ZSWIM6: variants seen among roughly 807,000 people sequenced by gnomAD.
ZSWIM6 encodes zinc finger SWIM domain-containing protein 6.
ZSWIM6 carries 9 observed loss-of-function variants against 113.2 expected under a neutral mutation model. That is an observed-to-expected ratio of 0.08 (90% CI 0.05 to 0.14). The LOEUF (loss-of-function observed/expected upper bound fraction) is 0.14, where lower values mean the gene tolerates loss of function less well. Among genes scored for constraint, ZSWIM6 ranks in the 10% least tolerant of loss-of-function variants. ZSWIM6 has a pLI of 1.00. For missense variants in ZSWIM6, 1,162 were observed against 1,552.2 expected (o/e 0.75, Z 4.22); for synonymous variants, 611 against 606.5 (o/e 1.01, Z -0.11).
At chr5:61,437,754 G>A (rs908390920) in intron 1 of ZSWIM6, among the ~76,000 whole-genome samples, 1 of 147,154 alleles carries the variant, frequency 6.8e-6, no homozygotes, top group Non-Finnish European at 1.5e-5. Flanking sequence ...TCCACTAGTT[G>A]ACTCCTAGAA....
intron 1 of ZSWIM6, among the ~76,000 whole-genome samples, chr5:61,445,846 A>G (rs1746941520): frequency 6.6e-6 from 1 of 152,158 alleles, no homozygotes; most frequent in Non-Finnish European, 1.5e-5. Flanking sequence ...TGGGGGTGAC[A>G]GTGTTATCCA....
chr5:61,491,996 T>C (rs879804675), intron 3 of ZSWIM6, among the ~76,000 whole-genome samples: 3 of 152,084 alleles, frequency 2.0e-5, no homozygotes, highest in Non-Finnish European at 2.9e-5. Context: ...ACTTTACACA[T>C]GATTTAAGCA....
chr5:61,406,089 C>G (rs1282311010), intron 1 of ZSWIM6, among the ~76,000 whole-genome samples: 1 of 152,180 alleles, frequency 6.6e-6, no homozygotes, highest in African/African-American at 2.4e-5. Context: ...GGCAGAATTT[C>G]TCTTCCCTCC....
intron 4 of ZSWIM6, among the ~76,000 whole-genome samples, chr5:61,501,918 C>T (rs1033736185): frequency 6.6e-6 from 1 of 152,094 alleles, no homozygotes; most frequent in African/African-American, 2.4e-5. Context: ...CCTACTTTTC[C>T]TGTTTCCTAA....
intron 1 of ZSWIM6, among the ~76,000 whole-genome samples, chr5:61,436,628 AGTT>A (rs963876486): frequency 1.8e-4 from 27 of 152,342 alleles, no homozygotes; most frequent in Non-Finnish European, 3.4e-4. Context: ...ATACTTATTG[AGTT>A]GTTATTACTA....
At chr5:61,508,030 C>T (rs1748672418) in intron 4 of ZSWIM6, among the ~76,000 whole-genome samples, 1 of 152,106 alleles carries the variant, frequency 6.6e-6, no homozygotes, top group Non-Finnish European at 1.5e-5. Flanking sequence ...ATCCTGGCTC[C>T]CTTAATAGCA....
At chr5:61,433,855 T>C (rs183555293) in intron 1 of ZSWIM6, among the ~76,000 whole-genome samples, 1 of 151,792 alleles carries the variant, frequency 6.6e-6, no homozygotes, top group Admixed American at 6.6e-5. Context: ...GATAGAAATA[T>C]ATAGATCTTT....
At chr5:61,469,572 C>T (rs1747516710) in intron 1 of ZSWIM6, among the ~76,000 whole-genome samples, 1 of 152,198 alleles carries the variant, frequency 6.6e-6, no homozygotes, top group African/African-American at 2.4e-5. Context: ...GGGATCCCTT[C>T]TGCATAATTG....
intron 1 of ZSWIM6, among the ~76,000 whole-genome samples, chr5:61,380,119 A>T (rs1469050379): frequency 6.6e-6 from 1 of 151,786 alleles, no homozygotes; most frequent in Admixed American, 6.6e-5. Flanking sequence ...CCTGTCACCC[A>T]GGCTGGAGTG....
rs745838220 is a variant in ZSWIM6, at chr5:61,531,620, A to G, written c.2140A>G (p.Lys714Glu). Residue 714 changes from lysine (K) to glutamate (E), a missense_variant, in exon 9 of 14, where the codon AAA becomes GAA. Coordinates refer to ENST00000252744, the MANE Select transcript of ZSWIM6 (RefSeq NM_020928.2). The stretch of plus-strand genomic sequence containing the variant: ...GCCTGATGGGCTGTACACACAAGAG[A>G]AAGTTTGCCGGAATGAGGAGCAGCT... ...IMPDGLYTQE[K>E]VCRNEEQLIS... 1 of 1,551,526 alleles carries G rather than the reference A, an allele frequency of 6.4e-7. No individual in the cohort carries two copies.
chr5:61,342,792 C>T (rs1464035978), intron 1 of ZSWIM6, among the ~76,000 whole-genome samples: 2 of 152,028 alleles, frequency 1.3e-5, no homozygotes, highest in Non-Finnish European at 2.9e-5. Flanking sequence ...TAATATTGAT[C>T]ATCTTAACCA....
chr5:61,339,655 A>G (rs1744492347), intron 1 of ZSWIM6, among the ~76,000 whole-genome samples: 1 of 152,204 alleles, frequency 6.6e-6, no homozygotes, highest in Admixed American at 6.5e-5. Context: ...CCTAAAAATG[A>G]AAGATTATAG....
intron 1 of ZSWIM6, among the ~76,000 whole-genome samples, chr5:61,394,225 G>A (rs1745792067): frequency 6.6e-6 from 1 of 152,242 alleles, no homozygotes; most frequent in Admixed American, 6.5e-5. Flanking sequence ...CCCAGGAAGT[G>A]CTAGTGCAGT....
intron 1 of ZSWIM6, among the ~76,000 whole-genome samples, chr5:61,393,273 C>CCTGACCTCATGATCCACCCG (rs1745768373): frequency 6.6e-6 from 1 of 151,736 alleles, no homozygotes; most frequent in South Asian, 2.1e-4. Flanking sequence ...GTCTTGAACT[C>CCTGACCTCATGATCCACCCG]CTGACCTCAT....
intron 1 of ZSWIM6, among the ~76,000 whole-genome samples, chr5:61,359,280 A>G (rs1744982944): frequency 1.3e-5 from 2 of 152,126 alleles, no homozygotes; most frequent in Admixed American, 1.3e-4. Flanking sequence ...GGAGACAGGT[A>G]TAGTGAGAAC....
chr5:61,506,871 A>C (rs1378248058), intron 4 of ZSWIM6, among the ~76,000 whole-genome samples: 1 of 152,184 alleles, frequency 6.6e-6, no homozygotes, highest in Admixed American at 6.5e-5. Flanking sequence ...AAATATTATG[A>C]ATTGTTTAAT....
At chr5:61,432,975 T>G (rs1746618353) in intron 1 of ZSWIM6, among the ~76,000 whole-genome samples, 1 of 152,200 alleles carries the variant, frequency 6.6e-6, no homozygotes. Context: ...AACACATGCT[T>G]TGTTTTGGTG....
chr5:61,488,129 T>C (rs1748071471), intron 2 of ZSWIM6, among the ~76,000 whole-genome samples: 1 of 152,080 alleles, frequency 6.6e-6, no homozygotes, highest in African/African-American at 2.4e-5. Flanking sequence ...ATTGAGATAA[T>C]CATATGGTTT....
At chr5:61,455,603 G>T (rs905615955) in intron 1 of ZSWIM6, among the ~76,000 whole-genome samples, 1 of 152,130 alleles carries the variant, frequency 6.6e-6, no homozygotes, top group Admixed American at 6.6e-5. Context: ...CCTGACTTCC[G>T]CAAGGAAGGA....
Sources: gnomAD v4.1 joint callset for allele counts (sites outside exome capture counted in the v4.1 genomes callset) on GRCh38, gnomAD v4.1.1 for gene constraint, MANE v1.5 for transcripts, NCBI Gene and HGNC (gene_info 2026-07-23, HGNC 2026-07-21) for gene names.